Variants in PLXNA4 observed in about 807,000 individuals in gnomAD.
PLXNA4 encodes the protein plexin A4, also known as plexin-A4.
PLXNA4 carries 44 observed loss-of-function variants against 191.8 expected under a neutral mutation model. The ratio of observed to expected loss-of-function variants is 0.23; its 90% CI spans 0.18 to 0.29. The LOEUF is 0.29. Ranked by LOEUF, PLXNA4 falls within the 10% of genes least tolerant of loss-of-function variation. The probability of loss-of-function intolerance (pLI) is 1.00; values close to 1 mark genes in which losing one functional copy is unlikely to be tolerated. For missense variants in PLXNA4, 1,800 were observed against 2,488.8 expected, an observed-to-expected ratio of 0.72 and a Z score of 5.89; for synonymous variants, 1,082 against 1,009.5, an observed-to-expected ratio of 1.07 and a Z score of -1.36.
chr7:132,551,812 A>T (rs1277785478), intron 1 of PLXNA4, among the ~76,000 whole-genome samples: 1 of 152,250 alleles, frequency 6.6e-6, no homozygotes, highest in Non-Finnish European at 1.5e-5. Flanking sequence ...CACACCAGAC[A>T]TCGATGTTAA....
At chr7:132,570,661 T>C (rs1375645508) in intron 1 of PLXNA4, among the ~76,000 whole-genome samples, 4 of 152,210 alleles carry the variant, frequency 2.6e-5, no homozygotes, top group African/African-American at 9.6e-5. Flanking sequence ...TACTTCATAA[T>C]GAAAATACTC....
intron 3 of PLXNA4, among the ~76,000 whole-genome samples, chr7:132,343,395 T>C (rs937086114): frequency 2.0e-5 from 3 of 152,246 alleles, no homozygotes; most frequent in Non-Finnish European, 4.4e-5. Context: ...ATTAAATAAC[T>C]GCTCCCCTTT....
intron 10 of PLXNA4, among the ~76,000 whole-genome samples, chr7:132,207,088 T>C (rs926992759): frequency 1.3e-5 from 2 of 152,230 alleles, no homozygotes; most frequent in African/African-American, 4.8e-5. Flanking sequence ...ATCTGAGATA[T>C]TTTGCCGGAA....
intron 9 of PLXNA4, among the ~76,000 whole-genome samples, chr7:132,223,008 C>G (rs1405005246): frequency 1.3e-5 from 2 of 152,178 alleles, no homozygotes; most frequent in Non-Finnish European, 2.9e-5. Context: ...AGCAAGTTCT[C>G]AGCTGATGCA....
At chr7:132,258,873 C>T (rs142205536) in intron 4 of PLXNA4, among the ~76,000 whole-genome samples, 1 of 152,122 alleles carries the variant, frequency 6.6e-6, no homozygotes, top group Non-Finnish European at 1.5e-5. Context: ...GATATTTATG[C>T]TATGTGTTTG....
intron 3 of PLXNA4, among the ~76,000 whole-genome samples, chr7:132,434,382 G>T (rs1050043581): frequency 1.3e-5 from 2 of 152,188 alleles, no homozygotes; most frequent in African/African-American, 4.8e-5. Flanking sequence ...AGCTGCCCAG[G>T]GTGGGAGGCA....
chr7:132,636,931 G>A (rs1243621619), intron 2 of PLXNA4, among the ~76,000 whole-genome samples: 1 of 152,194 alleles, frequency 6.6e-6, no homozygotes, highest in Non-Finnish European at 1.5e-5. Context: ...GAGGTGGGAA[G>A]AATTCTGCTC....
At chr7:132,229,435 A>G (rs1394354258) in intron 5 of PLXNA4, among the ~76,000 whole-genome samples, 1 of 152,202 alleles carries the variant, frequency 6.6e-6, no homozygotes, top group East Asian at 1.9e-4. Context: ...TTCAGGGAGC[A>G]GTATTTAATC....
In PLXNA4 at chr7:132,376,722, C is replaced by T. The variant is rs149451467; in HGVS notation, c.1372-78500G>A. On this transcript the variant is annotated intron_variant, in intron 3 of 31. Transcript: ENST00000321063. ...GCCCACCACCTTTAATTTTATCCAG[C>T]AGGCCCTGATGGTGGCTTTGGCCTG... 3.3e-5 allele frequency among the ~76,000 whole-genome samples: 5 copies of T among 152,308 alleles called. No individual in the cohort carries two copies. The East Asian group carries it at 9.7e-4, about 30-fold the overall frequency.
intron 7 of PLXNA4, among the ~76,000 whole-genome samples, chr7:132,226,988 G>A (rs989370273): frequency 6.6e-6 from 1 of 152,252 alleles, no homozygotes; most frequent in African/African-American, 2.4e-5. Flanking sequence ...TCCCAGGGCA[G>A]CTTGCCCCCA....
rs7786811 is a variant in PLXNA4 at position 132,180,613 on chromosome 7, G to A, written c.3612C>T (p.Pro1204=). 2,517 of 1,614,172 alleles carry A rather than the reference G, an allele frequency of 1.6e-3. 36 individuals are homozygous for A. The African/African-American group carries it at 0.029, about 19-fold the overall frequency. The change falls in exon 19 of 32, where the codon CCC becomes CCT. Residue 1204 remains proline (P), a synonymous_variant. Coordinates refer to ENST00000321063, the MANE Select transcript of PLXNA4 (RefSeq NM_020911.2). ...VSDVQLLCES[P]NLIGRHKVMA... is the part of the protein sequence containing the mutation. ...TCACTTTGTGCCTGCCGATGAGGTT[G>A]GGGGACTCGCAGAGCAGCTGGACAT...
intron 30 of PLXNA4, among the ~76,000 whole-genome samples, chr7:132,137,063 A>T (rs899570413): frequency 6.6e-6 from 1 of 152,212 alleles, no homozygotes; most frequent in Admixed American, 6.5e-5. Context: ...CTCATGATGG[A>T]TACCATTAAT....
chr7:132,332,299 T>C (rs552903166), intron 3 of PLXNA4, among the ~76,000 whole-genome samples: 6 of 152,318 alleles, frequency 3.9e-5, no homozygotes, highest in Non-Finnish European at 7.3e-5. Flanking sequence ...ATAGTGTTTC[T>C]GGGACCTGTC....
At chr7:132,257,683 C>T (rs1002204769) in intron 4 of PLXNA4, among the ~76,000 whole-genome samples, 1 of 152,338 alleles carries the variant, frequency 6.6e-6, no homozygotes, top group Non-Finnish European at 1.5e-5. Flanking sequence ...GACAACCTGA[C>T]CTTCACAGGG....
chr7:132,588,239 A>G (rs1802537277), intron 2 of PLXNA4, among the ~76,000 whole-genome samples: 2 of 152,174 alleles, frequency 1.3e-5, no homozygotes, highest in African/African-American at 4.8e-5. Flanking sequence ...CACTGTGGAC[A>G]TTCTGCAAAC....
chr7:132,577,167 G>GAGCCGGGCCTCCCGGGCGCGCCCCC (rs1426721452), upstream of PLXNA4: 8 of 146,712 alleles, frequency 5.5e-5, no homozygotes, highest in African/African-American at 1.7e-4. Context: ...GCCGCGGGCC[G>GAGCCGGGCCTCCCGGGCGCGCCCCC]AGCCGGGCCT....
intron 4 of PLXNA4, among the ~76,000 whole-genome samples, chr7:132,290,855 A>T (rs1207142383): frequency 6.6e-6 from 1 of 152,226 alleles, no homozygotes; most frequent in Non-Finnish European, 1.5e-5. Flanking sequence ...AAGAGCTCAC[A>T]GAGGGACCCA....
rs189930081 is a variant in PLXNA4, at chr7:132,231,527, C to T, written c.1605-3058G>A. Among the ~76,000 whole-genome samples, 135 of 152,324 alleles carry T rather than the reference C, an allele frequency of 8.9e-4. 2 individuals carry two copies. In the East Asian group the frequency reaches 0.021, roughly 23 times the overall value. On this transcript the variant is annotated intron_variant, in intron 5 of 31. Transcript: ENST00000321063. ...GCAACCTCCACCTCCTGGGCTCAAG[C>T]CATCCTCCCACCTCAGCCTCCCAAG...
At chr7:132,525,065 C>T (rs1032867315) in intron 1 of PLXNA4, among the ~76,000 whole-genome samples, 1 of 152,140 alleles carries the variant, frequency 6.6e-6, no homozygotes, top group African/African-American at 2.4e-5. Flanking sequence ...CAAATACCAA[C>T]TCTCCATCCC....
Sources: gnomAD v4.1 joint callset for allele counts (sites outside exome capture counted in the v4.1 genomes callset) on GRCh38, gnomAD v4.1.1 for gene constraint, MANE v1.5 for transcripts, NCBI Gene and HGNC (gene_info 2026-07-23, HGNC 2026-07-21) for gene names.